Variants in CCDC174 observed in about 807,000 individuals in gnomAD.
CCDC174 encodes the protein coiled-coil domain-containing protein 174.
In CCDC174, 37 loss-of-function variants were observed where a neutral mutation model predicts 57.1. That is an observed-to-expected ratio of 0.65 (90% CI 0.50 to 0.85). The LOEUF (loss-of-function observed/expected upper bound fraction) is 0.85. Among genes scored for constraint, CCDC174 ranks in the 40% least tolerant of loss-of-function variants. The probability of loss-of-function intolerance (pLI) is 0.00; values close to 1 mark genes in which losing one functional copy is unlikely to be tolerated. For missense variants in CCDC174, 540 were observed against 574.3 expected (o/e 0.94, Z 0.61); for synonymous variants, 182 against 190.2 (o/e 0.96, Z 0.35).
intron 10 of CCDC174, 124 bp downstream of exon 10, chr3:14,670,210 G>A: frequency 1.1e-6 from 1 of 948,752 alleles, no homozygotes; most frequent in Non-Finnish European, 1.6e-6. Context: ...GCTTTGGAAT[G>A]CCATTTCTCA....
Position 14,672,312 on chromosome 3 carries a change from T to A in CCDC174, c.*1118T>A, listed in dbSNP as rs1034196321. The A allele has an allele frequency of 1.3e-5, 2 of 152,450 alleles. No homozygotes were observed. The highest frequency in any genetic ancestry group is 4.8e-5 in the African/African-American group (2 of 41,458). The allele number at this position is 152,450 out of a possible 1,614,324, so 9.4% of individuals were successfully genotyped here. A position where few individuals can be genotyped will look rare whatever the true frequency, so the allele number is the denominator to read the frequency against. ...GTCCTCTGCGATGGCATTGTCTCGG[T>A]TCCCGCAGTGCTGCAGTGTGGAAGG... On this transcript the variant is annotated 3_prime_UTR_variant, in exon 11 of 11. Transcript: ENST00000383794.
In CCDC174 at chr3:14,671,145, C is replaced by G. The variant is rs1411116467; in HGVS notation, c.1355C>G (p.Thr452Ser). The change falls in exon 11 of 11, where the codon ACT becomes AGT. Residue 452 changes from threonine to serine, a missense_variant. By Grantham distance (58) the Thr-to-Ser change is moderately conservative. Coordinates refer to ENST00000383794, the MANE Select transcript of CCDC174 (RefSeq NM_016474.5). ...PDNPPQAPTV[T>S]FKTLDDMISY... Reference sequence around the variant, plus strand: ...AACCCACCACAAGCCCCCACAGTTACTTTCAAAACTCTGGATGACATGATT... The same window carrying G: ...AACCCACCACAAGCCCCCACAGTTAGTTTCAAAACTCTGGATGACATGATT... 4.3e-6 allele frequency: 7 copies of G among 1,613,442 alleles called. No individual in the cohort carries two copies. Among genetic ancestry groups the G allele is most frequent in the Non-Finnish European group, 1.7e-6 (2 of 1,179,754 alleles).
chr3:14,662,724 G>A (rs1173136730), intron 5 of CCDC174, among the ~76,000 whole-genome samples: 1 of 152,150 alleles, frequency 6.6e-6, no homozygotes, highest in Non-Finnish European at 1.5e-5. Context: ...GTTAGGAACT[G>A]CTCAGGACTC....
At chr3:14,670,322 C>T (rs1358969965) in intron 10 of CCDC174, among the ~76,000 whole-genome samples, 1 of 152,244 alleles carries the variant, frequency 6.6e-6, no homozygotes, top group Non-Finnish European at 1.5e-5. Flanking sequence ...TGCCAGTGTA[C>T]TAACCTGGAT....
intron 9 of CCDC174, 100 bp downstream of exon 9, chr3:14,668,281 T>G (rs950584332): frequency 6.5e-6 from 8 of 1,225,352 alleles, no homozygotes; most frequent in Non-Finnish European, 9.2e-6. Flanking sequence ...CCATTTAGTT[T>G]TATATTTAAG....
intron 2 of CCDC174, 38 bp downstream of exon 2, chr3:14,654,568 A>G: frequency 1.0e-6 from 1 of 982,908 alleles, no homozygotes. Flanking sequence ...TTGGTTCCAA[A>G]CATGGGAGAA....
At chr3:14,670,154 C>G in intron 10 of CCDC174, 68 bp downstream of exon 10, 1 of 1,498,064 alleles carries the variant, frequency 6.7e-7, no homozygotes, top group Non-Finnish European at 9.0e-7. Flanking sequence ...TTTCTAGAAG[C>G]ACTTGGGGTA....
Position 14,655,474 on chromosome 3 carries a change from A to G in CCDC174, c.148-55A>G, listed in dbSNP as rs1575068037. 3 of 1,088,378 alleles carry G rather than the reference A, an allele frequency of 2.8e-6. No individual in the cohort carries two copies. In the East Asian group the frequency reaches 7.3e-5, roughly 26 times the overall value. The allele number at this position is 1,088,378 out of a possible 1,614,324, so 67.4% of individuals were successfully genotyped here. A position where few individuals can be genotyped will look rare whatever the true frequency, so the allele number is the denominator to read the frequency against. The stretch of plus-strand genomic sequence containing the variant: ...TTTTTTTTTTTCCTGATGCACAAGT[A>G]GAGATTTTTTGGCAATCATGTGGTT... On this transcript the variant is annotated intron_variant, in intron 2 of 10. Transcript: ENST00000383794.
intron 5 of CCDC174, among the ~76,000 whole-genome samples, chr3:14,663,588 G>A (rs1027717199): frequency 6.6e-6 from 1 of 152,142 alleles, no homozygotes; most frequent in Non-Finnish European, 1.5e-5. Context: ...TTGTTTGCCT[G>A]CAGGGGTTGC....
In CCDC174 at chr3:14,668,076, A is replaced by G; in HGVS notation, c.847A>G (p.Asn283Asp). 1 of 1,600,454 alleles carries G rather than the reference A, an allele frequency of 6.2e-7. No individual in the cohort carries two copies. Among genetic ancestry groups the G allele is most frequent in the East Asian group, 2.2e-5 (1 of 44,548 alleles). Residue 283 changes from asparagine (N) to aspartate (D), a missense_variant, in exon 9 of 11, where the codon AAC becomes GAC. Asn to Asp is a conservative substitution (Grantham distance 23). Transcript: ENST00000383794. ...QTTDQRTKRE[N>D]IKEKRKAILE... ...AACAGATCAGAGAACAAAACGAGAA[A>G]ACATAAAGGAAAAGCGAAAGGCTAT...
At position 14,651,882 on chromosome 3, in the gene CCDC174, A is replaced by G; in HGVS notation, c.42+4A>G. 6.2e-7 allele frequency: 1 copy of G among 1,613,924 alleles called. No homozygotes were observed. Among genetic ancestry groups the G allele is most frequent in the Non-Finnish European group, 8.5e-7 (1 of 1,179,836 alleles). ...TTTGGACGTCACGGCCTCCTCGGTGAGTGAGGGTATGAGGTAACTCCACGG... is the reference window on the plus strand; with the variant it reads ...TTTGGACGTCACGGCCTCCTCGGTGGGTGAGGGTATGAGGTAACTCCACGG... On this transcript the variant is annotated splice_donor_region_variant and intron_variant, in intron 1 of 10. Coordinates refer to ENST00000383794, the MANE Select transcript of CCDC174 (RefSeq NM_016474.5).
chr3:14,659,062 C>T, intron 4 of CCDC174, 133 bp downstream of exon 4: 2 of 845,854 alleles, frequency 2.4e-6, no homozygotes, highest in Non-Finnish European at 1.7e-6. Context: ...CATGGCTGCA[C>T]AGAGACAAGA....
Position 14,661,894 on chromosome 3 carries a change from CATAATTACA to C in CCDC174, c.485+206_485+214del, listed in dbSNP as rs55915506. The C allele has an allele frequency of 0.49, 245,479 of 497,912 alleles. 66,588 individuals carry two copies. The highest frequency in any genetic ancestry group is 0.64 in the South Asian group (19,885 of 31,028). 30.8% of individuals were successfully genotyped at this position (497,912 alleles called of 1,614,324 possible). Reference sequence around the variant, plus strand: ...GTAAAAACAGTAGCTCAAATGAAGACATAATTACAATAATTACAATAATTACATATAATT... The same window carrying C: ...GTAAAAACAGTAGCTCAAATGAAGACATAATTACAATAATTACATATAATT... On this transcript the variant is annotated intron_variant, in intron 5 of 10. Transcript: ENST00000383794.
intron 1 of CCDC174, among the ~76,000 whole-genome samples, chr3:14,652,578 T>A (rs574627449): frequency 1.3e-5 from 2 of 152,220 alleles, no homozygotes; most frequent in African/African-American, 4.8e-5. Context: ...CCTGGAAAGA[T>A]GAAGTAGCTT....
intron 2 of CCDC174, among the ~76,000 whole-genome samples, chr3:14,654,970 T>G (rs993217870): frequency 6.6e-6 from 1 of 152,240 alleles, no homozygotes; most frequent in African/African-American, 2.4e-5. Flanking sequence ...AATCTTGATT[T>G]AGGTTGTAAT....
intron 5 of CCDC174, among the ~76,000 whole-genome samples, chr3:14,662,837 A>G (rs59041255): frequency 0.011 from 1,610 of 152,350 alleles, 26 homozygotes; most frequent in African/African-American, 0.037. Context: ...GAGAAACTGC[A>G]TCTTCATTCT....
At chr3:14,655,249 T>C (rs1299045433) in intron 2 of CCDC174, among the ~76,000 whole-genome samples, 1 of 151,878 alleles carries the variant, frequency 6.6e-6, no homozygotes, top group African/African-American at 2.4e-5. Context: ...ATGTTGAGGC[T>C]GCAGTGAGCT....
Position 14,671,005 on chromosome 3 carries a change from T to C in CCDC174, c.1215T>C (p.Phe405=). ...DYFVGQKRTG[F]SSSQAWSRPG... is the part of the protein sequence containing the mutation. ...TTGTGGGTCAGAAGAGAACTGGTTT[T>C]TCCAGCAGCCAGGCATGGAGCAGAC... Residue 405 remains phenylalanine (F), a synonymous_variant, in exon 11 of 11, where the codon TTT becomes TTC. Coordinates refer to ENST00000383794, the MANE Select transcript of CCDC174 (RefSeq NM_016474.5). 1 of 1,614,202 alleles carries C rather than the reference T, an allele frequency of 6.2e-7. No individual in the cohort carries two copies. The highest frequency in any genetic ancestry group is 1.1e-5 in the South Asian group (1 of 91,082).
intron 5 of CCDC174, chr3:14,662,024 A>C: frequency 3.9e-6 from 1 of 253,986 alleles, no homozygotes; most frequent in South Asian, 7.1e-5. Context: ...GCTCACTAAC[A>C]TGAAACAGTG....
Sources: allele counts gnomAD v4.1 joint callset (sites outside exome capture counted in the v4.1 genomes callset), GRCh38; gene constraint gnomAD v4.1.1; transcripts MANE v1.5; gene names NCBI Gene and HGNC (gene_info 2026-07-23, HGNC 2026-07-21).